Variants in ATL2 observed in about 807,000 individuals in gnomAD.
The protein encoded by ATL2 is atlastin GTPase 2, also known as atlastin-2.
Under a neutral mutation model 73.9 loss-of-function variants are expected in ATL2, and 31 were observed. That is an observed-to-expected ratio of 0.42 (90% CI 0.32 to 0.57). The LOEUF (loss-of-function observed/expected upper bound fraction) is 0.57. ATL2 is among the 20% of genes least tolerant of loss of function. The pLI is 0.14. For missense variants in ATL2, 738 were observed against 702.6 expected, an observed-to-expected ratio of 1.05 and a Z score of -0.57; for synonymous variants, 291 against 237.5, an observed-to-expected ratio of 1.23 and a Z score of -2.07.
chr2:38,352,213 C>T (rs1440430873), intron 1 of ATL2, among the ~76,000 whole-genome samples: 1 of 149,114 alleles, frequency 6.7e-6, no homozygotes, highest in Non-Finnish European at 1.5e-5. Context: ...TAAAAATCAC[C>T]CCCAATTCTA....
chr2:38,374,262 C>T (rs1004175042), intron 1 of ATL2, among the ~76,000 whole-genome samples: 3 of 152,102 alleles, frequency 2.0e-5, no homozygotes, highest in Admixed American at 6.5e-5. Context: ...GGAGGACTAA[C>T]GGATAGGAAG....
At chr2:38,296,434 A>G (rs772930749) in intron 12 of ATL2, 7 of 1,559,752 alleles carry the variant, frequency 4.5e-6, no homozygotes, top group Non-Finnish European at 5.2e-6. Context: ...ATTGTCCTAC[A>G]TGTGTAAGTG....
intron 1 of ATL2, among the ~76,000 whole-genome samples, chr2:38,353,213 T>C (rs751979409): frequency 2.0e-5 from 3 of 152,034 alleles, no homozygotes; most frequent in Non-Finnish European, 4.4e-5. Context: ...GAAAATAAAG[T>C]CTTAATAAAT....
At chr2:38,377,756 T>G, upstream of ATL2, among the ~76,000 whole-genome samples, 1 of 142,622 alleles carries the variant, frequency 7.0e-6, no homozygotes, top group Non-Finnish European at 1.5e-5. Context: ...ATCACAGCCA[T>G]TCCCCTCCTC....
intron 1 of ATL2, among the ~76,000 whole-genome samples, chr2:38,349,705 C>T (rs993396627): frequency 6.6e-6 from 1 of 151,048 alleles, no homozygotes; most frequent in African/African-American, 2.4e-5. Flanking sequence ...AAAAAAAAAA[C>T]CCCACTGGGC....
Position 38,296,022 on chromosome 2 carries a change from G to A in ATL2, c.1724C>T (p.Ser575Phe). 1 of 1,551,528 alleles carries A rather than the reference G, an allele frequency of 6.4e-7. No homozygotes were observed. Among genetic ancestry groups the A allele is most frequent in the Non-Finnish European group, 8.7e-7 (1 of 1,146,654 alleles). ...SIKAGLTDQV[S>F]HHARLKTD ...GTCTGTCTTTAATCTGGCATGATGAGACACCTGGTCAGTCAGGCCTGCTTT... is the reference window on the plus strand; with the variant it reads ...GTCTGTCTTTAATCTGGCATGATGAAACACCTGGTCAGTCAGGCCTGCTTT... The change falls in exon 13 of 13, where the codon TCT becomes TTT. Residue 575 changes from serine to phenylalanine, a missense_variant. By Grantham distance (155) the Ser-to-Phe change is radical (BLOSUM62 -2). Coordinates refer to ENST00000378954, the MANE Select transcript of ATL2 (RefSeq NM_001135673.4).
intron 1 of ATL2, among the ~76,000 whole-genome samples, chr2:38,368,900 G>A (rs555236889): frequency 3.3e-5 from 5 of 152,156 alleles, no homozygotes; most frequent in African/African-American, 9.6e-5. Context: ...ACTAGCCTGG[G>A]CAACATAGTG....
At chr2:38,376,375 G>A (rs1018894050) in intron 1 of ATL2, 5 of 640,342 alleles carry the variant, frequency 7.8e-6, no homozygotes, top group Non-Finnish European at 1.2e-5. Context: ...AGGGAGCCAA[G>A]GATCAGGTGA....
chr2:38,365,818 G>A (rs1469557126), intron 1 of ATL2, among the ~76,000 whole-genome samples: 1 of 151,520 alleles, frequency 6.6e-6, no homozygotes, highest in Non-Finnish European at 1.5e-5. Flanking sequence ...GTGGTGGTGT[G>A]TACCTAAAAT....
chr2:38,367,243 T>C (rs896129931), intron 1 of ATL2, among the ~76,000 whole-genome samples: 34 of 151,988 alleles, frequency 2.2e-4, no homozygotes, highest in African/African-American at 8.0e-4. Flanking sequence ...ACCACGCTAC[T>C]AGGCACTGAA....
At chr2:38,322,039 G>C (rs1424728561) in intron 2 of ATL2, among the ~76,000 whole-genome samples, 1 of 152,136 alleles carries the variant, frequency 6.6e-6, no homozygotes, top group Non-Finnish European at 1.5e-5. Flanking sequence ...CCATTTATAA[G>C]GAGTTACCTT....
intron 1 of ATL2, among the ~76,000 whole-genome samples, chr2:38,375,792 T>C (rs1410602001): frequency 6.6e-6 from 1 of 152,228 alleles, no homozygotes; most frequent in African/African-American, 2.4e-5. Context: ...TTGGTAGTTT[T>C]TTATTCTACA....
rs554119759 is a variant in ATL2, at chr2:38,313,212, T to A, written c.743A>T (p.Tyr248Phe). 22 of 1,613,032 alleles carry A rather than the reference T, an allele frequency of 1.4e-5. No individual in the cohort carries two copies. In the South Asian group the frequency reaches 2.2e-4, roughly 16 times the overall value. The change falls in exon 7 of 13, where the codon TAT (tyrosine) becomes TTT (phenylalanine). Residue 248 changes from tyrosine to phenylalanine, a missense_variant. By Grantham distance (22) the Tyr-to-Phe change is conservative. Transcript: ENST00000378954. ...TLMFLIRDWS[Y>F]PYEHSYGLEG... ...CAAACCATATGAATGTTCATAAGGATAGCTCCAATCTCGAATCAAAAACAT... is the reference window on the plus strand; with the variant it reads ...CAAACCATATGAATGTTCATAAGGAAAGCTCCAATCTCGAATCAAAAACAT...
intron 9 of ATL2, among the ~76,000 whole-genome samples, chr2:38,304,594 T>C (rs1324788791): frequency 6.6e-6 from 1 of 152,158 alleles, no homozygotes; most frequent in Non-Finnish European, 1.5e-5. Context: ...ACCACAACTT[T>C]TCCAGACATA....
intron 1 of ATL2, among the ~76,000 whole-genome samples, chr2:38,371,136 G>A (rs58027653): frequency 0.12 from 17,672 of 151,752 alleles, 3,039 homozygotes; most frequent in African/African-American, 0.38. Flanking sequence ...CTCCTTTGAG[G>A]AGTTTCTTTA....
chr2:38,296,263 T>A (rs1666888369), intron 12 of ATL2, 150 bp from the exon 13 acceptor site: 3 of 1,435,224 alleles, frequency 2.1e-6, no homozygotes, highest in Middle Eastern at 2.5e-4. Context: ...AAAAAACTTA[T>A]GATGCTACTA....
intron 9 of ATL2, among the ~76,000 whole-genome samples, chr2:38,308,921 G>C (rs1667596060): frequency 6.7e-6 from 1 of 150,052 alleles, no homozygotes; most frequent in South Asian, 2.1e-4. Flanking sequence ...AAGCTATAAA[G>C]ACTAGAGAAG....
At chr2:38,377,372 GTA>G, upstream of ATL2, 1 of 799,982 alleles carries the variant, frequency 1.3e-6, no homozygotes, top group Non-Finnish European at 1.9e-6. Flanking sequence ...CTCTCCGCCT[GTA>G]TCTCCTCGCC....
chr2:38,328,377 C>A (rs1668787548), intron 2 of ATL2, among the ~76,000 whole-genome samples: 1 of 152,200 alleles, frequency 6.6e-6, no homozygotes, highest in Non-Finnish European at 1.5e-5. Flanking sequence ...AATACATACT[C>A]TTCTCAAACT....
Sources: gnomAD v4.1 joint callset for allele counts (sites outside exome capture counted in the v4.1 genomes callset) on GRCh38, gnomAD v4.1.1 for gene constraint, MANE v1.5 for transcripts, NCBI Gene and HGNC (gene_info 2026-07-23, HGNC 2026-07-21) for gene names.